Variants in SVIL observed in about 807,000 individuals in gnomAD.
The protein encoded by SVIL is archvillin.
SVIL carries 101 observed loss-of-function variants against 240.4 expected under a neutral mutation model. That is an observed-to-expected ratio of 0.42 (90% CI 0.36 to 0.50). The LOEUF (loss-of-function observed/expected upper bound fraction) is 0.50. SVIL is among the 20% of genes least tolerant of loss of function. The pLI is 0.01. For missense variants in SVIL, 2,512 were observed against 2,818.7 expected (o/e 0.89, Z 2.46); for synonymous variants, 999 against 1,100.0 (o/e 0.91, Z 1.82).
rs1249462298 is a variant in SVIL at position 29,484,567 on chromosome 10, G to A, written c.4955+89C>T. On this transcript the variant is annotated intron_variant, in intron 27 of 37. Coordinates refer to ENST00000355867, the MANE Select transcript of SVIL (RefSeq NM_021738.3). The surrounding 1 kb of genome is among the most constrained non-coding windows in gnomAD (Gnocchi z 4.7). ...GTTTATGAAAACTGAACCCTATAAA[G>A]AGCGAGAGTAGAGGACTGTGGTGAG... The A allele has an allele frequency of 2.5e-6, 3 of 1,207,184 alleles. No individual in the cohort carries two copies. Among genetic ancestry groups the A allele is most frequent in the African/African-American group, 1.5e-5 (1 of 64,994 alleles). The allele number at this position is 1,207,184 out of a possible 1,614,324, so 74.8% of individuals were successfully genotyped here.
intron 29 of SVIL, among the ~76,000 whole-genome samples, chr10:29,480,016 TTAC>T (rs1160126299): frequency 2.0e-5 from 3 of 152,154 alleles, no homozygotes; most frequent in Non-Finnish European, 4.4e-5. Context: ...GACTCTGCAT[TTAC>T]TACACCAGAC....
intron 2 of SVIL, among the ~76,000 whole-genome samples, chr10:29,681,295 A>T (rs1241068727): frequency 6.6e-6 from 1 of 151,990 alleles, no homozygotes; most frequent in Non-Finnish European, 1.5e-5. Flanking sequence ...AGCAGAAAGG[A>T]TTTTACACAG....
chr10:29,639,552 T>G (rs1395282654), upstream of SVIL, among the ~76,000 whole-genome samples: 1 of 150,294 alleles, frequency 6.7e-6, no homozygotes, highest in Non-Finnish European at 1.5e-5. Context: ...CACTGCAACC[T>G]TCACCTCCCA....
At chr10:29,573,548 T>A (rs1341648688) in intron 1 of SVIL, among the ~76,000 whole-genome samples, 3 of 152,112 alleles carry the variant, frequency 2.0e-5, no homozygotes, top group Non-Finnish European at 4.4e-5. Context: ...TTATTTTTAA[T>A]TTTTCCACTT....
chr10:29,462,210 A>G (rs951390879), intron 36 of SVIL, 67 bp downstream of exon 36: 1 of 1,553,886 alleles, frequency 6.4e-7, no homozygotes, highest in Non-Finnish European at 8.7e-7. Flanking sequence ...GCTCTCCCCA[A>G]AGTAAAGTTA....
chr10:29,535,189 T>C (rs1951655325), intron 7 of SVIL, among the ~76,000 whole-genome samples: 1 of 152,176 alleles, frequency 6.6e-6, no homozygotes, highest in Non-Finnish European at 1.5e-5. Flanking sequence ...CAGACGCACA[T>C]AGAGGTGGTA....
chr10:29,527,093 G>GGA, intron 12 of SVIL, 37 bp from the exon 13 acceptor site: 2 of 1,564,658 alleles, frequency 1.3e-6, no homozygotes, highest in South Asian at 1.1e-5. Context: ...ACATTCATAA[G>GGA]GAGAGAGAAG....
chr10:29,472,288 A>G (rs950094533), intron 30 of SVIL, among the ~76,000 whole-genome samples: 1 of 152,238 alleles, frequency 6.6e-6, no homozygotes. Flanking sequence ...AATGGCTATT[A>G]GGAATAAATT....
intron 17 of SVIL, chr10:29,508,645 C>T (rs1589040131): frequency 8.7e-6 from 3 of 343,540 alleles, no homozygotes; most frequent in Non-Finnish European, 1.7e-5. Context: ...TTCTCCTGCA[C>T]TATGATCTGG....
At chr10:29,574,384 G>A (rs1589299816) in intron 1 of SVIL, among the ~76,000 whole-genome samples, 3 of 152,084 alleles carry the variant, frequency 2.0e-5, no homozygotes, top group Admixed American at 6.5e-5. Flanking sequence ...ATATGACATC[G>A]GGCCATGGTA....
intron 1 of SVIL, among the ~76,000 whole-genome samples, chr10:29,691,056 AG>A: frequency 6.6e-6 from 1 of 152,348 alleles, no homozygotes; most frequent in Admixed American, 6.5e-5. Flanking sequence ...TTCTTCTGGA[AG>A]AGTAAAAAGA....
chr10:29,704,973 T>G lies in SVIL; in HGVS notation c.-399-18322A>C, dbSNP rs1463467764. 6.6e-5 allele frequency among the ~76,000 whole-genome samples: 10 copies of G among 152,338 alleles called. No individual in the cohort carries two copies. In the East Asian group the frequency reaches 1.9e-3, roughly 29 times the overall value. On this transcript the variant is annotated intron_variant, in intron 1 of 35. Transcript: ENST00000375400. The stretch of plus-strand genomic sequence containing the variant: ...ATGTAACAGATTGAGATGTACGCAA[T>G]GGATCTGTCTAAACCATGTACATTT...
chr10:29,612,709 A>C (rs1440238967), intron 1 of SVIL, among the ~76,000 whole-genome samples: 1 of 152,232 alleles, frequency 6.6e-6, no homozygotes, highest in Non-Finnish European at 1.5e-5. Flanking sequence ...GAAAAAACAT[A>C]GCAAAGGAAA....
At chr10:29,546,334 T>G (rs1832753221) in intron 6 of SVIL, among the ~76,000 whole-genome samples, 1 of 152,234 alleles carries the variant, frequency 6.6e-6, no homozygotes, top group East Asian at 1.9e-4. Flanking sequence ...ATCTTATTGT[T>G]TTCTACTTCA....
chr10:29,648,844 G>T (rs1328562045), intron 3 of SVIL, among the ~76,000 whole-genome samples: 1 of 151,984 alleles, frequency 6.6e-6, no homozygotes, highest in Non-Finnish European at 1.5e-5. Flanking sequence ...TAAAAGCAGG[G>T]TTTGTTTCTT....
At chr10:29,731,439 A>G in intron 1 of SVIL, among the ~76,000 whole-genome samples, 1 of 152,264 alleles carries the variant, frequency 6.6e-6, no homozygotes, top group Non-Finnish European at 1.5e-5. Flanking sequence ...ATGTTCTGAA[A>G]ACACAAAAGC....
chr10:29,619,122 T>C (rs547248655), intron 1 of SVIL, among the ~76,000 whole-genome samples: 1 of 152,328 alleles, frequency 6.6e-6, no homozygotes, highest in South Asian at 2.1e-4. Flanking sequence ...TGAAAATTCT[T>C]TGAATTTCTT....
intron 36 of SVIL, among the ~76,000 whole-genome samples, chr10:29,459,548 C>G (rs1943988267): frequency 6.6e-6 from 1 of 152,184 alleles, no homozygotes; most frequent in Admixed American, 6.5e-5. Context: ...TCCCCTGGCC[C>G]CATTTCTTAA....
intron 1 of SVIL, among the ~76,000 whole-genome samples, chr10:29,627,460 T>G (rs1957919122): frequency 6.6e-6 from 1 of 152,140 alleles, no homozygotes; most frequent in South Asian, 2.1e-4. Flanking sequence ...CTCTGGCCAT[T>G]GACACCTTCA....
Sources: allele counts gnomAD v4.1 joint callset (sites outside exome capture counted in the v4.1 genomes callset), GRCh38; gene constraint gnomAD v4.1.1; non-coding constraint Gnocchi (gnomAD v3.1); transcripts MANE v1.5; gene names NCBI Gene and HGNC (gene_info 2026-07-23, HGNC 2026-07-21).